Variants in ARID1B observed in about 807,000 individuals in gnomAD.
ARID1B encodes AT-rich interaction domain 1B.
ARID1B carries 30 observed loss-of-function variants against 212.3 expected under a neutral mutation model. The ratio of observed to expected loss-of-function variants is 0.14; its 90% confidence interval spans 0.11 to 0.19. The LOEUF (loss-of-function observed/expected upper bound fraction) is 0.19. ARID1B is among the 10% of genes least tolerant of loss of function. The pLI, the probability that ARID1B is intolerant of heterozygous loss-of-function variation, is 1.00. For missense variants in ARID1B, 2,891 were observed against 3,204.0 expected (o/e 0.90, Z 2.36); for synonymous variants, 1,402 against 1,301.7 (o/e 1.08, Z -1.66).
intron 4 of ARID1B, among the ~76,000 whole-genome samples, chr6:157,016,285 C>T (rs974450693): frequency 6.6e-6 from 1 of 152,104 alleles, no homozygotes. Flanking sequence ...AACTTCAATA[C>T]TCAATTGCAA....
Position 156,777,844 on chromosome 6 carries a change from G to C in ARID1B, c.164G>C (p.Gly55Ala). 1 of 1,223,378 alleles carries C rather than the reference G, an allele frequency of 8.2e-7. No individual in the cohort carries two copies. Among genetic ancestry groups the C allele is most frequent in the Non-Finnish European group, 1.0e-6 (1 of 980,096 alleles). 75.8% of individuals were successfully genotyped at this position (1,223,378 alleles called of 1,614,324 possible). A position where few individuals can be genotyped will look rare whatever the true frequency, so the allele number is the denominator to read the frequency against. ...RGAAAAAAAP[G>A]PMLGGGGDGG... is the part of the protein sequence containing the mutation. ...GCGGCGGCGGCGGCGGCGGCACCGG[G>C]ACCCATGCTGGGGGGCGGCGGCGAC... The change falls in exon 1 of 20, where the codon GGA becomes GCA. Residue 55 changes from glycine to alanine, a missense_variant. Physicochemically the swap from Gly to Ala is moderately conservative, Grantham distance 60. Transcript: ENST00000636930.
chr6:156,872,588 TGAGCCACCTCCCAAGGTGC>T (rs756150803), intron 2 of ARID1B, among the ~76,000 whole-genome samples: 10 of 152,222 alleles, frequency 6.6e-5, no homozygotes, highest in Admixed American at 3.9e-4. Context: ...CCCAAAGTGC[TGAGCCACCTCCCAAGGTGC>T]GAGCCACCAC....
intron 4 of ARID1B, chr6:157,023,962 C>T (rs1780487792): frequency 6.6e-6 from 1 of 152,214 alleles, no homozygotes. Flanking sequence ...ATTCTTTAAA[C>T]TTTCACCAAT....
chr6:157,064,661 C>T (rs931404850), intron 4 of ARID1B, among the ~76,000 whole-genome samples: 1 of 152,180 alleles, frequency 6.6e-6, no homozygotes, highest in Non-Finnish European at 1.5e-5. Context: ...CTGCACCTGA[C>T]GAGTGTCATG....
chr6:156,832,404 A>G (rs890670104), intron 2 of ARID1B, among the ~76,000 whole-genome samples: 18 of 152,224 alleles, frequency 1.2e-4, no homozygotes, highest in African/African-American at 4.3e-4. Flanking sequence ...TTGAAAGATA[A>G]TTATGACATT....
At chr6:156,817,240 C>T (rs1782030423) in intron 1 of ARID1B, among the ~76,000 whole-genome samples, 1 of 151,654 alleles carries the variant, frequency 6.6e-6, no homozygotes, top group Middle Eastern at 3.4e-3. Flanking sequence ...ATTAGCCAGG[C>T]GTGGTGGGCA....
intron 2 of ARID1B, among the ~76,000 whole-genome samples, chr6:156,846,659 G>A (rs927669920): frequency 6.6e-6 from 1 of 152,180 alleles, no homozygotes; most frequent in African/African-American, 2.4e-5. Flanking sequence ...GACTCTCAGA[G>A]GAGAAGTCAG....
intron 5 of ARID1B, among the ~76,000 whole-genome samples, chr6:157,089,197 A>G (rs78074257): frequency 0.015 from 2,280 of 151,170 alleles, 79 homozygotes; most frequent in East Asian, 0.11. Context: ...GGATTTGTTG[A>G]AAAAAAACAA....
intron 1 of ARID1B, among the ~76,000 whole-genome samples, chr6:156,796,696 A>G (rs763423029): frequency 3.9e-4 from 59 of 152,186 alleles, no homozygotes; most frequent in Admixed American, 1.5e-3. Flanking sequence ...CTCCTCTTCC[A>G]GGCATAGAGA....
chr6:156,847,260 A>G (rs891822236), intron 2 of ARID1B, among the ~76,000 whole-genome samples: 1 of 152,226 alleles, frequency 6.6e-6, no homozygotes, highest in Admixed American at 6.5e-5. Flanking sequence ...TAGACTAAGA[A>G]TAAACCTAAG....
At chr6:156,905,563 T>G (rs531602390) in intron 3 of ARID1B, among the ~76,000 whole-genome samples, 1 of 152,340 alleles carries the variant, frequency 6.6e-6, no homozygotes, top group East Asian at 1.9e-4. Flanking sequence ...ACATGTAAAA[T>G]CAACCATTGC....
chr6:156,825,548 A>G (rs1782682831), intron 1 of ARID1B, among the ~76,000 whole-genome samples: 3 of 152,240 alleles, frequency 2.0e-5, no homozygotes, highest in Non-Finnish European at 4.4e-5. Flanking sequence ...TTAGTCACTG[A>G]TAAGATGAAT....
chr6:157,031,093 A>G (rs549530777), intron 4 of ARID1B, among the ~76,000 whole-genome samples: 39 of 152,038 alleles, frequency 2.6e-4, no homozygotes, highest in Non-Finnish European at 5.0e-4. Flanking sequence ...TATGTTTTTA[A>G]TGGATTAAAA....
intron 4 of ARID1B, among the ~76,000 whole-genome samples, chr6:156,977,938 C>T (rs1451882638): frequency 6.6e-6 from 1 of 152,126 alleles, no homozygotes; most frequent in Non-Finnish European, 1.5e-5. Flanking sequence ...GGGCAGATTC[C>T]TCCCAAGGGC....
chr6:157,109,658 C>T (rs1490580289), intron 5 of ARID1B, among the ~76,000 whole-genome samples: 1 of 152,190 alleles, frequency 6.6e-6, no homozygotes, highest in East Asian at 1.9e-4. Flanking sequence ...ATTTCAAAAT[C>T]TCATCTCCTG....
chr6:157,157,765 G>A (rs1321861528), intron 8 of ARID1B, among the ~76,000 whole-genome samples: 6 of 152,194 alleles, frequency 3.9e-5, no homozygotes, highest in African/African-American at 4.8e-5. Flanking sequence ...GCTCACGCCC[G>A]TAATCCCAGT....
chr6:156,783,061 T>A (rs890701559), intron 1 of ARID1B, among the ~76,000 whole-genome samples: 2 of 152,114 alleles, frequency 1.3e-5, no homozygotes, highest in African/African-American at 4.8e-5. Context: ...AGTAAGTATA[T>A]GCTAGGGACT....
At chr6:156,820,391 A>G (rs1354491067) in intron 1 of ARID1B, among the ~76,000 whole-genome samples, 1 of 152,214 alleles carries the variant, frequency 6.6e-6, no homozygotes, top group Non-Finnish European at 1.5e-5. Flanking sequence ...CAGGCATTGT[A>G]CTAAGTGCTA....
At chr6:157,048,977 C>T (rs546392656) in intron 4 of ARID1B, among the ~76,000 whole-genome samples, 10 of 152,056 alleles carry the variant, frequency 6.6e-5, no homozygotes, top group Non-Finnish European at 1.5e-4. Context: ...AGTTCAAGAC[C>T]AGCCTAGCCA....
Sources: gnomAD v4.1 joint callset for allele counts (sites outside exome capture counted in the v4.1 genomes callset) on GRCh38, gnomAD v4.1.1 for gene constraint, MANE v1.5 for transcripts, NCBI Gene and HGNC (gene_info 2026-07-23, HGNC 2026-07-21) for gene names.